The following PGCKA1 variants were observed in gnomAD, a reference collection of about 807,000 sequenced individuals.
The protein encoded by PGCKA1 is PDCD10 and GCKIII kinases associated 1, also known as PDCD10 and GCKIII kinases-associated protein 1.
chr4:37,486,444 A>G, the PGCKA1 span, among the ~76,000 whole-genome samples: 3 of 152,286 alleles, frequency 2.0e-5, no homozygotes, highest in East Asian at 5.8e-4. Context: ...ACATTCAGAG[A>G]CAGTTAATCA....
At chr4:37,483,865 G>T in the PGCKA1 span, among the ~76,000 whole-genome samples, 1 of 152,202 alleles carries the variant, frequency 6.6e-6, no homozygotes, top group African/African-American at 2.4e-5. Flanking sequence ...AGCAGTTTGT[G>T]AGATGCATGG....
chr4:37,511,722 G>A, the PGCKA1 span, among the ~76,000 whole-genome samples: 1 of 152,176 alleles, frequency 6.6e-6, no homozygotes, highest in Non-Finnish European at 1.5e-5. Context: ...TGTCTAGTAG[G>A]CCACATGCCA....
At chr4:37,561,401 T>G in the PGCKA1 span, among the ~76,000 whole-genome samples, 1 of 152,010 alleles carries the variant, frequency 6.6e-6, no homozygotes, top group Non-Finnish European at 1.5e-5. Flanking sequence ...GAATGTAAAG[T>G]GAAAGGTGAT....
At chr4:37,574,598 A>T in the PGCKA1 span, among the ~76,000 whole-genome samples, 1 of 152,190 alleles carries the variant, frequency 6.6e-6, no homozygotes, top group Non-Finnish European at 1.5e-5. Flanking sequence ...CCTTTGTGTT[A>T]TAAACAAACA....
chr4:37,498,562 T>C, the PGCKA1 span, among the ~76,000 whole-genome samples: 22 of 152,240 alleles, frequency 1.4e-4, no homozygotes, highest in Non-Finnish European at 5.9e-5. Flanking sequence ...CATTTGTTTG[T>C]GTTGTCTATG....
the PGCKA1 span, among the ~76,000 whole-genome samples, chr4:37,537,133 G>A: frequency 1.3e-5 from 2 of 152,302 alleles, no homozygotes; most frequent in African/African-American, 4.8e-5. Context: ...TGTTCTTAAG[G>A]CTCATAAGAT....
the PGCKA1 span, among the ~76,000 whole-genome samples, chr4:37,490,890 G>A: frequency 1.3e-5 from 2 of 152,158 alleles, no homozygotes; most frequent in African/African-American, 4.8e-5. Flanking sequence ...GAGTTCAAGG[G>A]ACATTAGAAA....
chr4:37,501,705 C>T, the PGCKA1 span, among the ~76,000 whole-genome samples: 3 of 152,182 alleles, frequency 2.0e-5, no homozygotes, highest in Non-Finnish European at 2.9e-5. Flanking sequence ...TCAATGTACT[C>T]CTGCATCTCA....
At chr4:37,577,946 A>T in the PGCKA1 span, among the ~76,000 whole-genome samples, 1 of 152,186 alleles carries the variant, frequency 6.6e-6, no homozygotes, top group Non-Finnish European at 1.5e-5. Context: ...GAATGTTTTA[A>T]GACTTGTTTT....
At chr4:37,549,713 T>G in the PGCKA1 span, among the ~76,000 whole-genome samples, 16 of 152,118 alleles carry the variant, frequency 1.1e-4, no homozygotes, top group African/African-American at 3.6e-4. Context: ...AACATAACTG[T>G]TTAGAGGTGT....
the PGCKA1 span, chr4:37,588,315 C>G: frequency 5.0e-4 from 76 of 152,930 alleles, no homozygotes; most frequent in Middle Eastern, 3.4e-3. Context: ...GAAGCTTGTG[C>G]GATGACTCGG....
chr4:37,509,726 C>T, the PGCKA1 span, among the ~76,000 whole-genome samples: 3 of 151,344 alleles, frequency 2.0e-5, no homozygotes, highest in South Asian at 2.1e-4. Flanking sequence ...TTCGCGAGGC[C>T]GAGGCTGGCA....
chr4:37,502,148 C>T, the PGCKA1 span, among the ~76,000 whole-genome samples: 1 of 152,318 alleles, frequency 6.6e-6, no homozygotes, highest in South Asian at 2.1e-4. Context: ...TGGGTGGTGC[C>T]AGCCAAAGCC....
the PGCKA1 span, among the ~76,000 whole-genome samples, chr4:37,544,509 T>C: frequency 6.6e-6 from 1 of 151,678 alleles, no homozygotes; most frequent in Non-Finnish European, 1.5e-5. Context: ...TCTTCTAATT[T>C]TTTTTTATCT....
the PGCKA1 span, among the ~76,000 whole-genome samples, chr4:37,551,269 C>A: frequency 3.4e-5 from 5 of 145,906 alleles, no homozygotes; most frequent in Non-Finnish European, 4.6e-5. Flanking sequence ...TCCTGGGTTT[C>A]CCTGTCTATG....
chr4:37,547,557 C>T, the PGCKA1 span, among the ~76,000 whole-genome samples: 10 of 152,116 alleles, frequency 6.6e-5, no homozygotes, highest in African/African-American at 2.2e-4. Context: ...AATAGACTGG[C>T]CAGCATTAGA....
the PGCKA1 span, among the ~76,000 whole-genome samples, chr4:37,530,461 G>C: frequency 1.3e-5 from 2 of 151,010 alleles, no homozygotes; most frequent in African/African-American, 4.9e-5. Context: ...GTAGTTCCAG[G>C]TACTTGTGAG....
the PGCKA1 span, among the ~76,000 whole-genome samples, chr4:37,510,981 A>G: frequency 2.0e-5 from 3 of 151,500 alleles, no homozygotes; most frequent in Non-Finnish European, 4.4e-5. Context: ...CCCCATTGCC[A>G]CCACCACCAC....
the PGCKA1 span, among the ~76,000 whole-genome samples, chr4:37,510,764 A>G: frequency 1.3e-5 from 2 of 152,062 alleles, no homozygotes; most frequent in Non-Finnish European, 2.9e-5. Context: ...TGATGAAACC[A>G]GTTGGGCTCA....
Sources: gnomAD v4.1 joint callset for allele counts (sites outside exome capture counted in the v4.1 genomes callset) on GRCh38, gnomAD v4.1.1 for gene constraint, MANE v1.5 for transcripts, NCBI Gene and HGNC (gene_info 2026-07-23, HGNC 2026-07-21) for gene names.